SPACA7: variants seen among roughly 807,000 people sequenced by gnomAD.
SPACA7 encodes sperm acrosome-associated protein 7.
Under a neutral mutation model 26.3 loss-of-function variants are expected in SPACA7, and 19 were observed. The observed-to-expected ratio is 0.72, with a 90% CI of 0.50 to 1.06. SPACA7 has a LOEUF of 1.06. Among genes scored for constraint, SPACA7 ranks in the 50% least tolerant of loss-of-function variants. The pLI, the probability that SPACA7 is intolerant of heterozygous loss-of-function variation, is 0.00. For missense variants in SPACA7, 211 were observed against 229.9 expected (o/e 0.92, Z 0.53); for synonymous variants, 84 against 84.5 (o/e 0.99, Z 0.04).
chr13:112,432,574 C>T (rs1877267543), intron 6 of SPACA7, 53 bp downstream of exon 6: 2 of 1,363,700 alleles, frequency 1.5e-6, no homozygotes, highest in African/African-American at 1.4e-5. Flanking sequence ...TCTTTTCCTG[C>T]TCAAGGGACA....
intron 4 of SPACA7, among the ~76,000 whole-genome samples, chr13:112,399,739 A>G (rs1299637280): frequency 1.3e-5 from 2 of 152,234 alleles, no homozygotes; most frequent in Admixed American, 6.5e-5. Flanking sequence ...GTCCATTCTC[A>G]CACTGCTACA....
chr13:112,383,219 G>GAAGAAAGA (rs35275744), intron 1 of SPACA7, among the ~76,000 whole-genome samples: 1 of 145,900 alleles, frequency 6.9e-6, no homozygotes, highest in South Asian at 2.2e-4. Context: ...AGGAAAGAAG[G>GAAGAAAGA]AAGAAAGAAA....
At chr13:112,402,800 A>G (rs892670733) in intron 5 of SPACA7, among the ~76,000 whole-genome samples, 1 of 152,170 alleles carries the variant, frequency 6.6e-6, no homozygotes, top group African/African-American at 2.4e-5. Flanking sequence ...GATATTAATG[A>G]GTTTCCTAAT....
Position 112,423,465 on chromosome 13 carries a change from GT to G in SPACA7, c.446-8978del, listed in dbSNP as rs1481545265. On this transcript the variant is annotated intron_variant, in intron 5 of 6. Coordinates refer to ENST00000283550, the MANE Select transcript of SPACA7 (RefSeq NM_145248.5). ...AACTAGGAGAAACAGAAACAAAAAA[GT>G]CATTAAAATTCAAGATGAAGTGATG... Among the ~76,000 whole-genome samples the G allele has an allele frequency of 7.2e-5, 11 of 152,182 alleles. No individual in the cohort carries two copies. The South Asian group carries it at 2.3e-3, about 32-fold the overall frequency.
At chr13:112,385,525 C>T (rs116504734) in intron 1 of SPACA7, among the ~76,000 whole-genome samples, 3 of 152,138 alleles carry the variant, frequency 2.0e-5, no homozygotes, top group South Asian at 2.1e-4. Context: ...GCATAGCTAG[C>T]GGCATGCCTC....
intron 1 of SPACA7, chr13:112,378,605 G>C (rs1237163709): frequency 2.2e-6 from 1 of 465,066 alleles, no homozygotes; most frequent in Non-Finnish European, 4.5e-6. Context: ...CTTCACATGT[G>C]GTACCTAAAG....
At chr13:112,403,195 G>C (rs2138968795) in intron 5 of SPACA7, among the ~76,000 whole-genome samples, 2 of 152,076 alleles carry the variant, frequency 1.3e-5, no homozygotes, top group South Asian at 4.2e-4. Flanking sequence ...AATCAATGGG[G>C]TCAATTTAGC....
intron 1 of SPACA7, among the ~76,000 whole-genome samples, chr13:112,383,169 GAAAGAAAGAAAGAAAGAAAGAAAGAAAA>G (rs1341234561): frequency 1.7e-5 from 2 of 114,788 alleles, no homozygotes; most frequent in African/African-American, 3.6e-5. Context: ...AAGAAAGAAA[GAAAGAAAGAAAGAAAGAAAGAAAGAAAA>G]GAAAGAAAGA....
chr13:112,382,223 G>T (rs1055219951), intron 1 of SPACA7: 3 of 507,286 alleles, frequency 5.9e-6, no homozygotes, highest in Middle Eastern at 5.2e-4. Context: ...TCTCCCTTTG[G>T]GTTTTATAGC....
At chr13:112,395,447 C>G (rs552014096) in intron 2 of SPACA7, among the ~76,000 whole-genome samples, 39 of 152,212 alleles carry the variant, frequency 2.6e-4, no homozygotes, top group African/African-American at 8.7e-4. Flanking sequence ...CTGGCTGCTG[C>G]AGGTGTGGTT....
At chr13:112,409,016 G>A (rs9577358) in intron 5 of SPACA7, among the ~76,000 whole-genome samples, 12,491 of 152,062 alleles carry the variant, frequency 0.082, 1,120 homozygotes, top group East Asian at 0.28. Context: ...CCAAAACAAA[G>A]ATATAGACCA....
intron 1 of SPACA7, among the ~76,000 whole-genome samples, chr13:112,385,699 C>T (rs1884480992): frequency 6.6e-6 from 1 of 152,096 alleles, no homozygotes; most frequent in Non-Finnish European, 1.5e-5. Flanking sequence ...TTTTATTTTA[C>T]TAATAATTTT....
At chr13:112,412,345 T>A (rs1358691621) in intron 5 of SPACA7, among the ~76,000 whole-genome samples, 1 of 152,104 alleles carries the variant, frequency 6.6e-6, no homozygotes. Context: ...TATATTCTGA[T>A]ATTCTGGTAA....
At chr13:112,410,619 G>A (rs1594298424) in intron 5 of SPACA7, among the ~76,000 whole-genome samples, 1 of 152,062 alleles carries the variant, frequency 6.6e-6, no homozygotes, top group Non-Finnish European at 1.5e-5. Flanking sequence ...TGACGCACCT[G>A]AGTAGTCCAA....
At chr13:112,377,437 T>A (rs1471430011) in intron 1 of SPACA7, among the ~76,000 whole-genome samples, 2 of 152,190 alleles carry the variant, frequency 1.3e-5, no homozygotes, top group African/African-American at 2.4e-5. Context: ...TGGAAGAATA[T>A]CATGAACCTC....
intron 1 of SPACA7, among the ~76,000 whole-genome samples, chr13:112,386,389 T>C (rs1884527553): frequency 6.6e-6 from 1 of 152,228 alleles, no homozygotes; most frequent in African/African-American, 2.4e-5. Flanking sequence ...CTCAAAACTG[T>C]CAGATGACAC....
chr13:112,432,397 T>TA lies in SPACA7; in HGVS notation c.446-45dup, dbSNP rs1213967798. 2.1e-6 allele frequency: 3 copies of TA among 1,459,428 alleles called. No homozygotes were observed. In the African/African-American group the frequency reaches 4.2e-5, roughly 20 times the overall value. The allele number at this position is 1,459,428 out of a possible 1,614,324, so 90.4% of individuals were successfully genotyped here. A position where few individuals can be genotyped will look rare whatever the true frequency, so the allele number is the denominator to read the frequency against. On this transcript the variant is annotated intron_variant, in intron 5 of 6. Coordinates refer to ENST00000283550, the MANE Select transcript of SPACA7 (RefSeq NM_145248.5). ...TTAAAGGAAAAGTGGAATCATGCCT[T>TA]AATTATTTACAAAGAGTGATCATTG...
chr13:112,424,521 G>T (rs1876337470), intron 5 of SPACA7, among the ~76,000 whole-genome samples: 1 of 152,066 alleles, frequency 6.6e-6, no homozygotes, highest in Non-Finnish European at 1.5e-5. Context: ...TGGGGGGCTT[G>T]GTGCTTTTCA....
chr13:112,412,911 C>T (rs1291344982), intron 5 of SPACA7, among the ~76,000 whole-genome samples: 1 of 152,100 alleles, frequency 6.6e-6, no homozygotes, highest in African/African-American at 2.4e-5. Flanking sequence ...AAACTGATAA[C>T]AAATTAACTT....
Sources: gnomAD v4.1 joint callset for allele counts (sites outside exome capture counted in the v4.1 genomes callset) on GRCh38, gnomAD v4.1.1 for gene constraint, MANE v1.5 for transcripts, NCBI Gene and HGNC (gene_info 2026-07-23, HGNC 2026-07-21) for gene names.